ASB15: variants seen among roughly 807,000 people sequenced by gnomAD.
ASB15 encodes the protein ankyrin repeat and SOCS box protein 15.
In ASB15, 54 loss-of-function variants were observed where a neutral mutation model predicts 58.0. The observed-to-expected ratio is 0.93, with a 90% CI of 0.75 to 1.17. ASB15 has a LOEUF of 1.17. ASB15 is among the 50% of genes most tolerant of loss of function. The pLI, the probability that ASB15 is intolerant of heterozygous loss-of-function variation, is 0.00. For synonymous variants in ASB15, 249 were observed against 262.4 expected, an observed-to-expected ratio of 0.95 and a Z score of 0.50; for missense variants, 680 against 707.4, an observed-to-expected ratio of 0.96 and a Z score of 0.44.
At chr7:123,571,603 T>C (rs1798909873) in intron 1 of ASB15, among the ~76,000 whole-genome samples, 1 of 152,202 alleles carries the variant, frequency 6.6e-6, no homozygotes, top group Non-Finnish European at 1.5e-5. Context: ...AGAGAAGCAT[T>C]ATATCAAAAA....
chr7:123,625,371 A>G (rs577427713), intron 8 of ASB15, among the ~76,000 whole-genome samples: 52 of 152,264 alleles, frequency 3.4e-4, no homozygotes, highest in African/African-American at 1.2e-3. Flanking sequence ...ATCACAGTAC[A>G]TACTGCAACT....
At chr7:123,613,195 A>G (rs1175231919) in intron 3 of ASB15, among the ~76,000 whole-genome samples, 3 of 152,198 alleles carry the variant, frequency 2.0e-5, no homozygotes, top group South Asian at 4.1e-4. Flanking sequence ...CTTGGATGTT[A>G]GCAGGTATAG....
At chr7:123,632,033 G>T (rs1032375564) in intron 11 of ASB15, among the ~76,000 whole-genome samples, 1 of 151,882 alleles carries the variant, frequency 6.6e-6, no homozygotes, top group Non-Finnish European at 1.5e-5. Flanking sequence ...AGCCGAGATC[G>T]CCCCACTGCA....
At chr7:123,600,504 A>T (rs767979051), upstream of ASB15, among the ~76,000 whole-genome samples, 1 of 152,062 alleles carries the variant, frequency 6.6e-6, no homozygotes, top group African/African-American at 2.4e-5. Flanking sequence ...TATTGTAAGT[A>T]AAAAAAAGTT....
intron 3 of ASB15, among the ~76,000 whole-genome samples, 151 bp downstream of exon 3, chr7:123,608,805 T>A (rs1285326505): frequency 6.6e-6 from 1 of 152,170 alleles, no homozygotes. Context: ...ATGCAATTCT[T>A]TAAAAATAAG....
In ASB15 at chr7:123,582,277, AG is replaced by A. The variant is rs944027961; in HGVS notation, c.-443+15196del. 4.0e-5 allele frequency among the ~76,000 whole-genome samples: 6 copies of A among 151,826 alleles called. No individual in the cohort carries two copies. The East Asian group carries it at 7.8e-4, about 20-fold the overall frequency. ...GGATGTGTGACAATGGGAGATGGGG[AG>A]GGGGGGTTGCATTACAATATCCAAA... On this transcript the variant is annotated intron_variant, in intron 1 of 13. Coordinates refer to the ASB15 transcript ENST00000451558.
chr7:123,616,092 T>C, intron 4 of ASB15, 129 bp from the exon 5 acceptor site: 1 of 747,508 alleles, frequency 1.3e-6, no homozygotes, highest in Non-Finnish European at 2.2e-6. Context: ...ATAAAATCAA[T>C]TATATGCATC....
chr7:123,576,618 C>T lies in ASB15; in HGVS notation c.-443+9530C>T, dbSNP rs187994444. On this transcript the variant is annotated intron_variant, in intron 1 of 13. Transcript: ENST00000451558. ...TGGGATTCTCTGTGTAGCTCCACAT[C>T]CTCGGCTTCTCTGAGCCAAATTAGA... Among the ~76,000 whole-genome samples the T allele has an allele frequency of 3.2e-3, 480 of 152,244 alleles. 3 individuals carry two copies. The highest frequency in any genetic ancestry group is 5.3e-3 in the Non-Finnish European group (357 of 67,994).
At chr7:123,570,976 T>C (rs1798894485) in intron 1 of ASB15, among the ~76,000 whole-genome samples, 1 of 152,224 alleles carries the variant, frequency 6.6e-6, no homozygotes, top group South Asian at 2.1e-4. Flanking sequence ...TATTTCCATC[T>C]GTAAAACACA....
chr7:123,627,257 G>A lies in ASB15; in HGVS notation c.845G>A (p.Arg282Gln), dbSNP rs200342156. Residue 282 changes from arginine (R) to glutamine (Q), a missense_variant, in exon 9 of 12, where the codon CGA becomes CAA. Transcript: ENST00000451215. ...PNRAGHLPIHRAAYEGHYLAL... is the reference protein window; with the variant it reads ...PNRAGHLPIHQAAYEGHYLAL... ...CGAGCAGGACATCTTCCTATACACCGAGCTGCCTATGAGGGGCATTATCTG... is the reference window on the plus strand; with the variant it reads ...CGAGCAGGACATCTTCCTATACACCAAGCTGCCTATGAGGGGCATTATCTG... The A allele has an allele frequency of 3.0e-5, 48 of 1,613,610 alleles. No individual in the cohort carries two copies. The African/African-American group carries it at 5.1e-4, about 17-fold the overall frequency.
intron 1 of ASB15, among the ~76,000 whole-genome samples, chr7:123,567,605 G>A (rs550516133): frequency 1.3e-5 from 2 of 152,070 alleles, no homozygotes; most frequent in Admixed American, 6.5e-5. Context: ...ATTCTGGAGC[G>A]CTCCTCCACA....
chr7:123,588,276 C>T (rs887125965), intron 1 of ASB15, among the ~76,000 whole-genome samples: 13 of 151,712 alleles, frequency 8.6e-5, no homozygotes, highest in Admixed American at 2.6e-4. Flanking sequence ...AGGTTTCTAG[C>T]ATTTGTCTAT....
At chr7:123,620,507 CATATATATATATATATAT>C (rs1395766241) in intron 7 of ASB15, among the ~76,000 whole-genome samples, 547 of 29,628 alleles carry the variant, frequency 0.018, 6 homozygotes, top group African/African-American at 0.035. Flanking sequence ...CATATACATA[CATATATATATATATATAT>C]ATATATATAT....
At position 123,636,892 on chromosome 7, in the gene ASB15, G is replaced by A. The variant is rs1802457063; in HGVS notation, c.1678G>A (p.Val560Met). ...GLQKLCQPAS[V>M]EKLPLPPAIQ... ...CCAGAAACTCTGCCAGCCAGCCTCA[G>A]TGGAGAAGCTTCCTCTACCACCAGC... The change falls in exon 12 of 12, where the codon GTG becomes ATG. Residue 560 changes from valine to methionine, a missense_variant. Val to Met is a conservative substitution (Grantham distance 21, BLOSUM62 1). Coordinates refer to ENST00000451215, the MANE Select transcript of ASB15 (RefSeq NM_001290258.2). The A allele has an allele frequency of 1.2e-6, 2 of 1,603,060 alleles. No individual in the cohort carries two copies. Among genetic ancestry groups the A allele is most frequent in the African/African-American group, 1.3e-5 (1 of 74,614 alleles).
chr7:123,624,975 A>G (rs1562937266), intron 8 of ASB15, 161 bp downstream of exon 8: 1 of 805,874 alleles, frequency 1.2e-6, no homozygotes, highest in East Asian at 2.7e-5. Flanking sequence ...CCCTCAGTAG[A>G]CCCTTATTCT....
chr7:123,629,041 G>A lies in ASB15; in HGVS notation c.1047G>A (p.Glu349=), dbSNP rs1801978335. The change falls in exon 10 of 12, where the codon GAG becomes GAA. Residue 349 remains glutamate (E), a synonymous_variant. Transcript: ENST00000451215. The part of the protein sequence containing the change: ...ADHISQSYDD[E]RKTALYFGVS... The stretch of plus-strand genomic sequence containing the variant: ...ACATTTCCCAGAGCTATGACGATGA[G>A]AGGAAGACTGCGCTGTATTTTGGCG... 1.2e-6 allele frequency: 2 copies of A among 1,613,716 alleles called. No individual in the cohort carries two copies. Among genetic ancestry groups the A allele is most frequent in the African/African-American group, 2.7e-5 (2 of 74,912 alleles).
chr7:123,608,316 G>T (rs998523361), intron 2 of ASB15, among the ~76,000 whole-genome samples: 8 of 152,158 alleles, frequency 5.3e-5, no homozygotes, highest in Non-Finnish European at 1.2e-4. Flanking sequence ...AATTTTAAGA[G>T]TTGTGTGTAT....
At chr7:123,597,724 G>A (rs1043861104), upstream of ASB15, among the ~76,000 whole-genome samples, 37 of 152,156 alleles carry the variant, frequency 2.4e-4, no homozygotes, top group South Asian at 2.3e-3. Flanking sequence ...CTAGCTACGC[G>A]GGAGGCTGAG....
rs1051819243 is a variant in ASB15, at chr7:123,638,945, C to G, written c.*1964C>G. 6.6e-6 allele frequency: 1 copy of G among 152,118 alleles called. No homozygotes were observed. Among genetic ancestry groups the G allele is most frequent in the Non-Finnish European group, 1.5e-5 (1 of 68,028 alleles). 9.4% of individuals were successfully genotyped at this position (152,118 alleles called of 1,614,324 possible). On this transcript the variant is annotated 3_prime_UTR_variant, in exon 12 of 12. Coordinates refer to ENST00000451215, the MANE Select transcript of ASB15 (RefSeq NM_001290258.2). ...GTGCTTTCTCAGGGCCAAACACATTCCCTAGAGCATGGAGTTCAATAATTG... is the reference window on the plus strand; with the variant it reads ...GTGCTTTCTCAGGGCCAAACACATTGCCTAGAGCATGGAGTTCAATAATTG...
Sources: allele counts gnomAD v4.1 joint callset (sites outside exome capture counted in the v4.1 genomes callset), GRCh38; gene constraint gnomAD v4.1.1; transcripts MANE v1.5; gene names NCBI Gene and HGNC (gene_info 2026-07-23, HGNC 2026-07-21).